The following GALNT9 variants were observed in gnomAD, a reference collection of about 807,000 sequenced individuals.
GALNT9 encodes polypeptide N-acetylgalactosaminyltransferase 9, also known as GalNAc transferase 9.
In GALNT9, 47 loss-of-function variants were observed where a neutral mutation model predicts 63.1. The observed-to-expected ratio is 0.75, with a 90% CI of 0.59 to 0.95. The LOEUF is 0.95. Among genes scored for constraint, GALNT9 ranks in the 40% least tolerant of loss-of-function variants. The pLI, the probability that GALNT9 is intolerant of heterozygous loss-of-function variation, is 0.00. For synonymous variants in GALNT9, 396 were observed against 365.7 expected (o/e 1.08, Z -0.94); for missense variants, 829 against 874.8 (o/e 0.95, Z 0.66).
intron 6 of GALNT9, among the ~76,000 whole-genome samples, chr12:132,208,105 C>T (rs751160503): frequency 9.9e-5 from 15 of 152,244 alleles, no homozygotes; most frequent in African/African-American, 1.4e-4. Context: ...AATTTAAAGG[C>T]TCTCCCATCA....
In GALNT9 at chr12:132,240,461, G is replaced by A. The variant is rs184955619; in HGVS notation, c.1077+7449C>T. 1.5e-4 allele frequency: 56 copies of A among 371,596 alleles called. No homozygotes were observed. The East Asian group carries it at 1.8e-3, about 12-fold the overall frequency. The allele number at this position is 371,596 out of a possible 1,614,324, so 23.0% of individuals were successfully genotyped here. ...TGGCCTCAGAACCAGCCCTCAGAAC[G>A]GAGCAAGAATAGCCGTGCCCAGCTC... On this transcript the variant is annotated intron_variant, in intron 6 of 10. Transcript: ENST00000328957.
intron 6 of GALNT9, among the ~76,000 whole-genome samples, chr12:132,210,731 C>T (rs180847466): frequency 4.6e-5 from 7 of 152,262 alleles, no homozygotes; most frequent in Admixed American, 2.0e-4. Context: ...TGAGAAGAAG[C>T]TCCAACTTGC....
chr12:132,308,055 AAC>A (rs1881680591), intron 1 of GALNT9, among the ~76,000 whole-genome samples: 1 of 151,888 alleles, frequency 6.6e-6, no homozygotes, highest in Non-Finnish European at 1.5e-5. Flanking sequence ...AAAACAAAAA[AAC>A]ACACAAACAA....
At position 132,260,818 on chromosome 12, in the gene GALNT9, G is replaced by A. The variant is rs946898628; in HGVS notation, c.761+130C>T. 6.2e-5 allele frequency: 81 copies of A among 1,301,342 alleles called. No homozygotes were observed. The East Asian group carries it at 1.4e-3, about 22-fold the overall frequency. 80.6% of individuals were successfully genotyped at this position (1,301,342 alleles called of 1,614,324 possible). A position where few individuals can be genotyped will look rare whatever the true frequency, so the allele number is the denominator to read the frequency against. On this transcript the variant is annotated intron_variant, in intron 4 of 10. Transcript: ENST00000328957. ...GTGGTGGCTCTCAGTCCCAGATCCTGAAGGCTACGGCGAGTCTCCCAGCCC... is the reference window on the plus strand; with the variant it reads ...GTGGTGGCTCTCAGTCCCAGATCCTAAAGGCTACGGCGAGTCTCCCAGCCC...
At position 132,291,324 on chromosome 12, in the gene GALNT9, ATCC is replaced by A. The variant is rs1566015120; in HGVS notation, c.239-4897_239-4895del. On this transcript the variant is annotated intron_variant, in intron 1 of 10. Transcript: ENST00000328957. ...TAGCACCCACATCCACAGCACCCACATCCACAGCACCCACAACCACAGCACCCA... is the reference window on the plus strand; with the variant it reads ...TAGCACCCACATCCACAGCACCCACAACAGCACCCACAACCACAGCACCCA... 1.4e-3 allele frequency among the ~76,000 whole-genome samples: 92 copies of A among 65,852 alleles called. 7 individuals are homozygous for A. The highest frequency in any genetic ancestry group is 7.5e-3 in the African/African-American group (78 of 10,446). 43.2% of individuals were successfully genotyped at this position (65,852 alleles called of 152,430 possible).
rs146370931 is a variant in GALNT9, at chr12:132,302,014, CTTAT to C, written c.239-15588_239-15585del. Among the ~76,000 whole-genome samples, 962 of 152,252 alleles carry C rather than the reference CTTAT, an allele frequency of 6.3e-3. 11 individuals carry two copies. Among genetic ancestry groups the C allele is most frequent in the African/African-American group, 0.022 (915 of 41,538 alleles). Reference sequence around the variant, plus strand: ...CCCCGAGGGGCTCACGTGTTTATCACTTATTTATTAATTACATATTTAGGATTGC... The same window carrying C: ...CCCCGAGGGGCTCACGTGTTTATCACTTATTAATTACATATTTAGGATTGC... On this transcript the variant is annotated intron_variant, in intron 1 of 10. Transcript: ENST00000328957.
chr12:132,326,924 G>A (rs1303566342), intron 1 of GALNT9, among the ~76,000 whole-genome samples: 6 of 152,182 alleles, frequency 3.9e-5, no homozygotes, highest in South Asian at 2.1e-4. Context: ...CGCCCTCCCC[G>A]TAGGGCCCCA....
chr12:132,277,319 C>T (rs1424524509), intron 2 of GALNT9: 1 of 154,916 alleles, frequency 6.5e-6, no homozygotes, highest in Admixed American at 6.5e-5. Context: ...ATGGAAGACT[C>T]CCACAGACGC....
At chr12:132,305,558 G>A (rs369354333) in intron 1 of GALNT9, among the ~76,000 whole-genome samples, 9 of 42,460 alleles carry the variant, frequency 2.1e-4, no homozygotes, top group East Asian at 1.5e-3. Flanking sequence ...CACCCTCACC[G>A]GGGCACACCC....
rs776742606 is a variant in GALNT9, at chr12:132,203,512, G to C, written c.1256C>G (p.Pro419Arg). The change falls in exon 7 of 11, where the codon CCC becomes CGC. Residue 419 changes from proline to arginine, a missense_variant. Pro to Arg is a moderately radical substitution (Grantham distance 103). Transcript: ENST00000328957. ...KSHVYMAWNIPMSNPGVDFGD... is the reference protein window; with the variant it reads ...KSHVYMAWNIRMSNPGVDFGD... ...GGCCTGTGGGGGACTCACCGACATG[G>C]GGATGTTCCAGGCCATGTACACGTG... The C allele has an allele frequency of 1.9e-6, 3 of 1,613,686 alleles. No individual in the cohort carries two copies. In the South Asian group the frequency reaches 3.3e-5, roughly 18 times the overall value.
chr12:132,197,963 G>C lies in GALNT9; in HGVS notation c.1498-4C>G, dbSNP rs1245248294. The C allele has an allele frequency of 6.2e-7, 1 of 1,604,202 alleles. No homozygotes were observed. Among genetic ancestry groups the C allele is most frequent in the South Asian group, 1.1e-5 (1 of 90,160 alleles). ...CATCAGCGCTGTACCGCACCAGCTG[G>C]GGACAGGACCACCGGGACTGTGTGT... On this transcript the variant is annotated splice_polypyrimidine_tract_variant and splice_region_variant and intron_variant, in intron 9 of 10. Transcript: ENST00000328957.
At chr12:132,284,482 A>T (rs1880509778) in intron 2 of GALNT9, 1 of 152,260 alleles carries the variant, frequency 6.6e-6, no homozygotes, top group South Asian at 2.1e-4. Context: ...TTTTAAAACT[A>T]AATGCATTTT....
chr12:132,285,075 C>T (rs1003219801), intron 2 of GALNT9, among the ~76,000 whole-genome samples: 1 of 152,240 alleles, frequency 6.6e-6, no homozygotes, highest in Non-Finnish European at 1.5e-5. Context: ...GAGCTCCTGG[C>T]CCAAGAATCC....
At chr12:132,233,165 C>T (rs1310627796) in intron 6 of GALNT9, among the ~76,000 whole-genome samples, 1 of 50,908 alleles carries the variant, frequency 2.0e-5, no homozygotes, top group Admixed American at 2.3e-4. Flanking sequence ...CAGCGTGGAG[C>T]CCCTAGTGCC....
intron 1 of GALNT9, among the ~76,000 whole-genome samples, chr12:132,305,251 G>T (rs1366177390): frequency 3.5e-5 from 1 of 28,432 alleles, no homozygotes; most frequent in Non-Finnish European, 5.5e-5. Context: ...GCACAGAATC[G>T]CCCAGACACA....
chr12:132,198,427 C>CGGTGCTGGGGCT (rs1555232973), intron 9 of GALNT9, among the ~76,000 whole-genome samples: 1 of 151,136 alleles, frequency 6.6e-6, no homozygotes, highest in Non-Finnish European at 1.5e-5. Flanking sequence ...TGTGATTCTG[C>CGGTGCTGGGGCT]GGGGCTGGGG....
At chr12:132,260,817 T>C in intron 4 of GALNT9, 131 bp downstream of exon 4, 1 of 1,298,390 alleles carries the variant, frequency 7.7e-7, no homozygotes, top group Non-Finnish European at 1.0e-6. Flanking sequence ...TCCCAGATCC[T>C]GAAGGCTACG....
At chr12:132,242,354 T>C (rs2136903388) in intron 6 of GALNT9, among the ~76,000 whole-genome samples, 11 of 1,312 alleles carry the variant, frequency 8.4e-3, no homozygotes, top group South Asian at 0.1. Flanking sequence ...TCCCGGGGCC[T>C]TCCCTATACC....
Position 132,196,996 on chromosome 12 carries a change from G to A in GALNT9, c.*111C>T, listed in dbSNP as rs966505808. On this transcript the variant is annotated 3_prime_UTR_variant, in exon 11 of 11. Transcript: ENST00000328957. ...CCCCTCAGCCTCTGCTGTCCTGGCC[G>A]CACATAGAGCCCTGTCCTGCTGTGT... The A allele has an allele frequency of 2.5e-5, 39 of 1,532,226 alleles. No homozygotes were observed. The highest frequency in any genetic ancestry group is 4.6e-5 in the East Asian group (2 of 43,816). 94.9% of individuals were successfully genotyped at this position (1,532,226 alleles called of 1,614,324 possible). A position where few individuals can be genotyped will look rare whatever the true frequency, so the allele number is the denominator to read the frequency against.
Sources: gnomAD v4.1 joint callset for allele counts (sites outside exome capture counted in the v4.1 genomes callset) on GRCh38, gnomAD v4.1.1 for gene constraint, MANE v1.5 for transcripts, NCBI Gene and HGNC (gene_info 2026-07-23, HGNC 2026-07-21) for gene names.